The following VAV2 variants were observed in gnomAD, a reference collection of about 807,000 sequenced individuals.
VAV2 encodes the protein vav guanine nucleotide exchange factor 2.
In VAV2, 67 loss-of-function variants were observed where a neutral mutation model predicts 132.5. That is an observed-to-expected ratio of 0.51 (90% CI 0.42 to 0.62). VAV2 has a LOEUF of 0.62. Among genes scored for constraint, VAV2 ranks in the 20% least tolerant of loss-of-function variants. The pLI is 0.00. For synonymous variants in VAV2, 492 were observed against 443.5 expected, an observed-to-expected ratio of 1.11 and a Z score of -1.37; for missense variants, 938 against 1,153.6, an observed-to-expected ratio of 0.81 and a Z score of 2.71.
At position 133,855,589 on chromosome 9, in the gene VAV2, A is replaced by G. The variant is rs1454583274; in HGVS notation, c.380+5785T>C. On this transcript the variant is annotated intron_variant, in intron 3 of 29. Transcript: ENST00000371850. ...CCCGGCCTCTCCCTGCACGAGCCGC[A>G]TCTTAGGTCTCGTTGCCCAGTGCTC... Among the ~76,000 whole-genome samples the G allele has an allele frequency of 2.0e-5, 3 of 152,196 alleles. No individual in the cohort carries two copies. The East Asian group carries it at 5.8e-4, about 29-fold the overall frequency.
chr9:133,785,399 G>A (rs928781354), intron 17 of VAV2, among the ~76,000 whole-genome samples: 3 of 152,196 alleles, frequency 2.0e-5, no homozygotes, highest in East Asian at 1.9e-4. Context: ...CCGCCAGCCC[G>A]TAAGACCCTG....
intron 13 of VAV2, among the ~76,000 whole-genome samples, chr9:133,791,114 G>A (rs74382197): frequency 0.053 from 8,004 of 152,288 alleles, 280 homozygotes; most frequent in African/African-American, 0.099. Flanking sequence ...AGGTGGAGAA[G>A]CCCAGGTTAG....
In VAV2 at chr9:133,786,057, C is replaced by T. The variant is rs1010758824; in HGVS notation, c.1423-172G>A. The T allele has an allele frequency of 1.3e-5, 9 of 687,268 alleles. No homozygotes were observed. In the African/African-American group the frequency reaches 1.4e-4, roughly 11 times the overall value. 42.6% of individuals were successfully genotyped at this position (687,268 alleles called of 1,614,324 possible). On this transcript the variant is annotated intron_variant, in intron 16 of 29. Transcript: ENST00000371850. The stretch of plus-strand genomic sequence containing the variant: ...TCACGTGTGTACCTGCTCTCTTGCC[C>T]ATGCTGTACGTGCACACGTGCCTCT...
intron 1 of VAV2, among the ~76,000 whole-genome samples, chr9:133,984,899 C>A (rs935499284): frequency 6.9e-6 from 1 of 144,042 alleles, no homozygotes; most frequent in African/African-American, 2.5e-5. Context: ...CAGAGGGAGG[C>A]CCTATCTCAA....
intron 4 of VAV2, among the ~76,000 whole-genome samples, chr9:133,831,950 C>A (rs115010971): frequency 1.4e-4 from 21 of 152,284 alleles, no homozygotes; most frequent in Admixed American, 4.6e-4. Context: ...AACCACAGAA[C>A]AGACCTCACA....
chr9:133,889,714 C>T (rs1026761079), intron 2 of VAV2, among the ~76,000 whole-genome samples: 1 of 151,918 alleles, frequency 6.6e-6, no homozygotes, highest in African/African-American at 2.4e-5. Context: ...GGGCACCCAA[C>T]GAGGCTCGGC....
At chr9:133,886,253 G>A (rs1282484201) in intron 2 of VAV2, among the ~76,000 whole-genome samples, 1 of 152,230 alleles carries the variant, frequency 6.6e-6, no homozygotes, top group Non-Finnish European at 1.5e-5. Context: ...CACATGAGGG[G>A]CTGGGCCTCG....
chr9:133,764,193 A>AGTAGAGGCTCAT, intron 29 of VAV2, 84 bp from the exon 30 acceptor site: 1 of 1,561,562 alleles, frequency 6.4e-7, no homozygotes, highest in Non-Finnish European at 8.8e-7. Flanking sequence ...GGTGAGGGCA[A>AGTAGAGGCTCAT]GTAGAGGCTC....
In VAV2 at chr9:133,919,704, G is replaced by C. The variant is rs552962912; in HGVS notation, c.321+19399C>G. Among the ~76,000 whole-genome samples the C allele has an allele frequency of 1.3e-5, 2 of 152,294 alleles. No individual in the cohort carries two copies. Among genetic ancestry groups the C allele is most frequent in the Admixed American group, 1.3e-4 (2 of 15,302 alleles). The stretch of plus-strand genomic sequence containing the variant: ...GAGAGGAATGTAAGCCGGAAACAGC[G>C]CAGAGAGTGGGGCCAGATGGACGTG... On this transcript the variant is annotated intron_variant, in intron 2 of 29. Coordinates refer to ENST00000371850, the MANE Select transcript of VAV2 (RefSeq NM_001134398.2). The surrounding 1 kb of genome is among the most constrained non-coding windows in gnomAD (Gnocchi z 5.8).
chr9:133,983,786 T>TCCCAC (rs550006838), intron 1 of VAV2, among the ~76,000 whole-genome samples: 13 of 145,528 alleles, frequency 8.9e-5, no homozygotes, highest in East Asian at 8.4e-4. Context: ...CAGCCAGGGC[T>TCCCAC]CCCACCCCAC....
rs1258147673 is a variant in VAV2 at position 133,961,774 on chromosome 9, C to T, written c.205-22555G>A. On this transcript the variant is annotated intron_variant, in intron 1 of 29. Coordinates refer to ENST00000371850, the MANE Select transcript of VAV2 (RefSeq NM_001134398.2). The surrounding 1 kb of genome is among the most constrained non-coding windows in gnomAD (Gnocchi z 4.1). ...CGGCCCAGTGGCTCAGGGAGAAGACCCGGGCTTGCATGATGTACACCAGGG... is the reference window on the plus strand; with the variant it reads ...CGGCCCAGTGGCTCAGGGAGAAGACTCGGGCTTGCATGATGTACACCAGGG... Among the ~76,000 whole-genome samples, 5 of 152,170 alleles carry T rather than the reference C, an allele frequency of 3.3e-5. No individual in the cohort carries two copies. Among genetic ancestry groups the T allele is most frequent in the Non-Finnish European group, 7.4e-5 (5 of 68,022 alleles).
intron 2 of VAV2, among the ~76,000 whole-genome samples, chr9:133,911,366 C>T (rs943689179): frequency 2.0e-5 from 3 of 152,168 alleles, no homozygotes; most frequent in African/African-American, 7.2e-5. Flanking sequence ...ACGTGAAATG[C>T]GGCTGGTGAG....
chr9:133,938,213 G>A (rs537207213), intron 2 of VAV2, among the ~76,000 whole-genome samples: 1 of 152,314 alleles, frequency 6.6e-6, no homozygotes, highest in South Asian at 2.1e-4. Context: ...CCATTCTCCC[G>A]GTGGTCCAGG....
rs889262617 is a variant in VAV2, at chr9:133,826,493, G to A, written c.449+7779C>T. 1.3e-4 allele frequency among the ~76,000 whole-genome samples: 20 copies of A among 152,162 alleles called. No homozygotes were observed. The highest frequency in any genetic ancestry group is 4.1e-4 in the African/African-American group (17 of 41,448). On this transcript the variant is annotated intron_variant, in intron 4 of 29. Transcript: ENST00000371850. The surrounding 1 kb of genome is among the most constrained non-coding windows in gnomAD (Gnocchi z 4.2). ...ATCACTCCCTCCTCATGCAGCCACC[G>A]GAGTGGCGGGGTGCCTTCCCACAGC...
rs1839931036 is a variant in VAV2, at chr9:133,912,838, T to C, written c.321+26265A>G. 6.6e-6 allele frequency among the ~76,000 whole-genome samples: 1 copy of C among 152,220 alleles called. No individual in the cohort carries two copies. On this transcript the variant is annotated intron_variant, in intron 2 of 29. Coordinates refer to ENST00000371850, the MANE Select transcript of VAV2 (RefSeq NM_001134398.2). This position sits in a 1 kb window ranked among gnomAD's most constrained non-coding sequence, Gnocchi z 4.3. ...CGTCCCTCTAAAATCAGAGTCGTCC[T>C]GTGAGCCAGTGACCACTCGTCCCAA...
At chr9:133,938,284 C>T (rs541249112) in intron 2 of VAV2, among the ~76,000 whole-genome samples, 20 of 152,292 alleles carry the variant, frequency 1.3e-4, no homozygotes, top group Non-Finnish European at 2.5e-4. Flanking sequence ...CCTCGGCCAC[C>T]GTCAGCACCT....
At chr9:133,874,965 G>C (rs149912725) in intron 2 of VAV2, among the ~76,000 whole-genome samples, 279 of 152,266 alleles carry the variant, frequency 1.8e-3, no homozygotes, top group Middle Eastern at 6.8e-3. Flanking sequence ...AGAGAAGACG[G>C]GTCTAGAAAT....
chr9:133,971,575 A>G (rs1316772664), intron 1 of VAV2, among the ~76,000 whole-genome samples: 2 of 152,128 alleles, frequency 1.3e-5, no homozygotes, highest in Non-Finnish European at 2.9e-5. Context: ...TGACTGTGAC[A>G]CTGGCCTCCT....
At chr9:133,939,014 C>A in intron 2 of VAV2, 89 bp downstream of exon 2, 1 of 1,216,176 alleles carries the variant, frequency 8.2e-7, no homozygotes, top group African/African-American at 1.5e-5. Flanking sequence ...GCCAATCAGG[C>A]TGCTCCATGG....
Sources: gnomAD v4.1 joint callset for allele counts (sites outside exome capture counted in the v4.1 genomes callset) on GRCh38, gnomAD v4.1.1 for gene constraint, Gnocchi (gnomAD v3.1) non-coding constraint, MANE v1.5 for transcripts, NCBI Gene and HGNC (gene_info 2026-07-23, HGNC 2026-07-21) for gene names.